The following UBE2V2 variants were observed in gnomAD, a reference collection of about 807,000 sequenced individuals.
The protein encoded by UBE2V2 is ubiquitin conjugating enzyme E2 V2.
In UBE2V2, 9 loss-of-function variants were observed where a neutral mutation model predicts 17.2. The observed-to-expected ratio is 0.52, with a 90% CI of 0.32 to 0.91. The LOEUF (loss-of-function observed/expected upper bound fraction) is 0.91. Among genes scored for constraint, UBE2V2 ranks in the 40% least tolerant of loss-of-function variants. The probability of loss-of-function intolerance (pLI) is 0.04; values close to 1 mark genes in which losing one functional copy is unlikely to be tolerated. For missense variants in UBE2V2, 133 were observed against 182.6 expected (o/e 0.73, Z 1.56); for synonymous variants, 61 against 57.5 (o/e 1.06, Z -0.28).
chr8:47,997,682 C>T, the UBE2V2 span, among the ~76,000 whole-genome samples: 3 of 152,018 alleles, frequency 2.0e-5, no homozygotes, highest in Non-Finnish European at 2.9e-5. Context: ...CAGACAATCC[C>T]TTTGGCCCCT....
upstream of UBE2V2, among the ~76,000 whole-genome samples, chr8:48,006,928 T>G (rs1231098705): frequency 6.6e-6 from 1 of 152,020 alleles, no homozygotes; most frequent in Non-Finnish European, 1.5e-5. Context: ...TAGGCTGGGG[T>G]GGAGTGCAGT....
chr8:47,997,932 A>G, the UBE2V2 span, among the ~76,000 whole-genome samples: 1 of 151,860 alleles, frequency 6.6e-6, no homozygotes, highest in Non-Finnish European at 1.5e-5. Flanking sequence ...GGCTGGGGCT[A>G]TTGGGGTGAG....
At chr8:48,054,900 C>T (rs1294062453) in intron 3 of UBE2V2, among the ~76,000 whole-genome samples, 3 of 151,426 alleles carry the variant, frequency 2.0e-5, no homozygotes, top group Admixed American at 6.6e-5. Context: ...CCTCTCTCTT[C>T]ATCTTTTTTT....
At chr8:48,027,910 A>G (rs1241854259) in intron 1 of UBE2V2, among the ~76,000 whole-genome samples, 9 of 151,712 alleles carry the variant, frequency 5.9e-5, no homozygotes, top group Non-Finnish European at 1.5e-5. Flanking sequence ...CTGGAGTGCA[A>G]TGGCGCGGTC....
At chr8:47,999,798 C>A in the UBE2V2 span, among the ~76,000 whole-genome samples, 1 of 152,146 alleles carries the variant, frequency 6.6e-6, no homozygotes, top group South Asian at 2.1e-4. Flanking sequence ...TTTATACGGT[C>A]GGGAGCATCG....
intron 2 of UBE2V2, 66 bp downstream of exon 2, chr8:48,043,247 C>A: frequency 8.5e-7 from 1 of 1,182,064 alleles, no homozygotes; most frequent in Non-Finnish European, 1.1e-6. Flanking sequence ...TAATTTTATA[C>A]TATTGATATT....
intron 3 of UBE2V2, among the ~76,000 whole-genome samples, chr8:48,053,551 G>C (rs1178493833): frequency 6.6e-6 from 1 of 151,052 alleles, no homozygotes; most frequent in Non-Finnish European, 1.5e-5. Flanking sequence ...AGCCTCCCAA[G>C]TAGCTGGGAC....
intron 3 of UBE2V2, among the ~76,000 whole-genome samples, chr8:48,057,590 A>G (rs1429638017): frequency 1.3e-5 from 2 of 151,886 alleles, no homozygotes; most frequent in African/African-American, 4.8e-5. Context: ...GGCATGAGCC[A>G]CTGCACCCGA....
chr8:48,035,017 G>C, intron 1 of UBE2V2: 3 of 985,074 alleles, frequency 3.0e-6, no homozygotes, highest in Non-Finnish European at 3.6e-6. Context: ...CATGATGGTT[G>C]GCTTCCAAAA....
At chr8:48,037,841 CT>C (rs2091434835) in intron 1 of UBE2V2, among the ~76,000 whole-genome samples, 1 of 152,202 alleles carries the variant, frequency 6.6e-6, no homozygotes, top group Admixed American at 6.5e-5. Flanking sequence ...GTTTCTTGGT[CT>C]TTTATAACAG....
chr8:48,057,544 C>A (rs555266223), intron 3 of UBE2V2, among the ~76,000 whole-genome samples: 1 of 152,274 alleles, frequency 6.6e-6, no homozygotes, highest in Non-Finnish European at 1.5e-5. Flanking sequence ...CTTAGGTGAT[C>A]TGCCCACCTC....
At chr8:47,997,721 C>T in the UBE2V2 span, among the ~76,000 whole-genome samples, 2 of 151,960 alleles carry the variant, frequency 1.3e-5, no homozygotes, top group South Asian at 2.1e-4. Flanking sequence ...AGCAAGGGAG[C>T]GGGCTGCTGG....
upstream of UBE2V2, among the ~76,000 whole-genome samples, chr8:48,004,418 G>A (rs991842869): frequency 2.0e-5 from 3 of 151,734 alleles, no homozygotes; most frequent in African/African-American, 7.3e-5. Flanking sequence ...AGGTCCCTTT[G>A]TGAGAAAAAC....
the UBE2V2 span, among the ~76,000 whole-genome samples, chr8:47,999,795 G>T: frequency 6.6e-6 from 1 of 152,284 alleles, no homozygotes; most frequent in East Asian, 1.9e-4. Flanking sequence ...AGCTTTATAC[G>T]GTCGGGAGCA....
At chr8:48,039,201 G>A (rs1004952156) in intron 1 of UBE2V2, among the ~76,000 whole-genome samples, 4 of 151,968 alleles carry the variant, frequency 2.6e-5, no homozygotes, top group Non-Finnish European at 5.9e-5. Flanking sequence ...TGCCTCGCCC[G>A]ACCCCTGATT....
chr8:48,059,482 C>T (rs1306168727), intron 3 of UBE2V2, among the ~76,000 whole-genome samples: 14 of 151,936 alleles, frequency 9.2e-5, no homozygotes, highest in African/African-American at 3.4e-4. Context: ...GGTCTCGGCT[C>T]ACTGCAGCCT....
At chr8:48,034,014 A>G (rs184715598) in intron 1 of UBE2V2, among the ~76,000 whole-genome samples, 12 of 152,142 alleles carry the variant, frequency 7.9e-5, no homozygotes, top group Non-Finnish European at 1.6e-4. Flanking sequence ...TGTTCATCCT[A>G]CATACCTGCT....
intron 2 of UBE2V2, among the ~76,000 whole-genome samples, chr8:48,045,731 A>G (rs1015602452): frequency 2.0e-5 from 3 of 152,138 alleles, no homozygotes; most frequent in African/African-American, 7.2e-5. Flanking sequence ...TTCTTCTGGA[A>G]CTGGCCTCTG....
At chr8:48,002,215 T>A in the UBE2V2 span, among the ~76,000 whole-genome samples, 2 of 152,194 alleles carry the variant, frequency 1.3e-5, no homozygotes, top group Non-Finnish European at 2.9e-5. Flanking sequence ...CCACACTTGA[T>A]CTTTGGGGGA....
Sources: allele counts gnomAD v4.1 joint callset (sites outside exome capture counted in the v4.1 genomes callset), GRCh38; gene constraint gnomAD v4.1.1; transcripts MANE v1.5; gene names NCBI Gene and HGNC (gene_info 2026-07-23, HGNC 2026-07-21).